The following GRIN2A variants were observed in gnomAD, a reference collection of about 807,000 sequenced individuals.
GRIN2A encodes the protein glutamate ionotropic receptor NMDA type subunit 2A.
Under a neutral mutation model 113.4 loss-of-function variants are expected in GRIN2A, and 22 were observed. The ratio of observed to expected loss-of-function variants is 0.19; its 90% CI spans 0.14 to 0.28. The LOEUF is 0.28. Ranked by LOEUF, GRIN2A falls within the 10% of genes least tolerant of loss-of-function variation. GRIN2A has a pLI of 1.00. For missense variants in GRIN2A, 1,502 were observed against 1,887.0 expected, an observed-to-expected ratio of 0.80 and a Z score of 3.78; for synonymous variants, 827 against 738.4, an observed-to-expected ratio of 1.12 and a Z score of -1.94.
At position 10,076,486 on chromosome 16, in the gene GRIN2A, G is replaced by A. The variant is rs571552098; in HGVS notation, c.414+103512C>T. ...GAACTCTTACCAGGCAAGGCAGGGT[G>A]GAGACACATGTCCGTGGCCCTCCCA... On this transcript the variant is annotated intron_variant, in intron 2 of 12. Coordinates refer to ENST00000330684, the MANE Select transcript of GRIN2A (RefSeq NM_001134407.3). Among the ~76,000 whole-genome samples the A allele has an allele frequency of 3.3e-5, 5 of 152,270 alleles. No homozygotes were observed. In the South Asian group the frequency reaches 1.0e-3, roughly 32 times the overall value.
At chr16:9,787,941 C>T (rs1241851549) in intron 11 of GRIN2A, among the ~76,000 whole-genome samples, 1 of 152,152 alleles carries the variant, frequency 6.6e-6, no homozygotes, top group Non-Finnish European at 1.5e-5. Context: ...GGCAGGGAAG[C>T]CATCGAAAGA....
Position 9,826,253 on chromosome 16 carries a change from T to C in GRIN2A, c.2007+3170A>G, listed in dbSNP as rs2042385299. 4.6e-5 allele frequency among the ~76,000 whole-genome samples: 7 copies of C among 152,146 alleles called. No individual in the cohort carries two copies. The South Asian group carries it at 1.5e-3, about 32-fold the overall frequency. On this transcript the variant is annotated intron_variant, in intron 9 of 12. Coordinates refer to ENST00000330684, the MANE Select transcript of GRIN2A (RefSeq NM_001134407.3). Reference sequence around the variant, plus strand: ...GGTCCATTTGACCCCAAACATGATATTGCTCTTCCCACAACATAAATCTGC... The same window carrying C: ...GGTCCATTTGACCCCAAACATGATACTGCTCTTCCCACAACATAAATCTGC...
At chr16:10,161,563 G>C (rs1420749609) in intron 2 of GRIN2A, among the ~76,000 whole-genome samples, 7 of 152,304 alleles carry the variant, frequency 4.6e-5, no homozygotes, top group South Asian at 4.1e-4. Flanking sequence ...GCCACAAAGG[G>C]CACAGCCTGA....
intron 2 of GRIN2A, among the ~76,000 whole-genome samples, chr16:10,177,614 T>G (rs1390612425): frequency 1.3e-5 from 2 of 152,246 alleles, no homozygotes; most frequent in Admixed American, 6.5e-5. Flanking sequence ...TCCTGATTCC[T>G]TTTCTCTTCT....
At chr16:10,004,231 A>C (rs959122189) in intron 2 of GRIN2A, among the ~76,000 whole-genome samples, 3 of 152,004 alleles carry the variant, frequency 2.0e-5, no homozygotes, top group Non-Finnish European at 2.9e-5. Flanking sequence ...TCTACTAAAA[A>C]TACAAAAATC....
Position 9,863,342 on chromosome 16 carries a change from T to C in GRIN2A, c.1123-13381A>G, listed in dbSNP as rs557362575. Among the ~76,000 whole-genome samples, 4 of 152,320 alleles carry C rather than the reference T, an allele frequency of 2.6e-5. No individual in the cohort carries two copies. The South Asian group carries it at 8.3e-4, about 32-fold the overall frequency. ...TCCACTTTGGGAAGGGGCAACATTTTCTTTCCATGTGGAGCACAGGAGGTG... is the reference window on the plus strand; with the variant it reads ...TCCACTTTGGGAAGGGGCAACATTTCCTTTCCATGTGGAGCACAGGAGGTG... On this transcript the variant is annotated intron_variant, in intron 4 of 12. Transcript: ENST00000330684.
At chr16:10,005,063 A>C (rs577239678) in intron 2 of GRIN2A, among the ~76,000 whole-genome samples, 3 of 152,230 alleles carry the variant, frequency 2.0e-5, no homozygotes, top group Admixed American at 6.5e-5. Context: ...TGTTTCTCTG[A>C]ATTTACAAAG....
chr16:10,074,899 T>G (rs10518150), intron 2 of GRIN2A, among the ~76,000 whole-genome samples: 13,854 of 152,254 alleles, frequency 0.091, 715 homozygotes, highest in Non-Finnish European at 0.11. Flanking sequence ...TCAAAAACAT[T>G]TAAACGTAAG....
intron 11 of GRIN2A, among the ~76,000 whole-genome samples, chr16:9,776,869 C>T (rs1045948162): frequency 2.0e-5 from 3 of 152,138 alleles, no homozygotes; most frequent in Non-Finnish European, 2.9e-5. Flanking sequence ...TTGGCAGGCT[C>T]ATGTTCTCGA....
intron 2 of GRIN2A, among the ~76,000 whole-genome samples, chr16:10,158,000 A>T (rs1371372274): frequency 6.6e-6 from 1 of 151,586 alleles, no homozygotes; most frequent in Non-Finnish European, 1.5e-5. Context: ...ATTTATTTTT[A>T]TTTATTTATT....
chr16:10,048,770 G>A (rs1430770791), intron 2 of GRIN2A, among the ~76,000 whole-genome samples: 1 of 152,126 alleles, frequency 6.6e-6, no homozygotes, highest in Non-Finnish European at 1.5e-5. Context: ...TGCCACAGGG[G>A]CTCAAAATGT....
intron 4 of GRIN2A, among the ~76,000 whole-genome samples, chr16:9,885,803 G>A (rs1031045705): frequency 1.3e-5 from 2 of 152,160 alleles, no homozygotes; most frequent in Admixed American, 1.3e-4. Flanking sequence ...AGAAGCACAC[G>A]GAGTTATTTC....
intron 2 of GRIN2A, among the ~76,000 whole-genome samples, chr16:10,042,945 A>T (rs1187644014): frequency 6.6e-6 from 1 of 152,204 alleles, no homozygotes; most frequent in Non-Finnish European, 1.5e-5. Context: ...TGTTGATACC[A>T]CTGGGCCACT....
In GRIN2A at chr16:9,990,561, GCGCACACA is replaced by G. The variant is rs1454285270; in HGVS notation, c.415-52018_415-52011del. 5.9e-3 allele frequency among the ~76,000 whole-genome samples: 754 copies of G among 128,702 alleles called. 5 individuals carry two copies. The highest frequency in any genetic ancestry group is 8.6e-3 in the African/African-American group (310 of 36,098). 84.4% of individuals were successfully genotyped at this position (128,702 alleles called of 152,430 possible). On this transcript the variant is annotated intron_variant, in intron 2 of 12. Transcript: ENST00000330684. The stretch of plus-strand genomic sequence containing the variant: ...TCTCTCTACACGCGCGCGCGCGCGC[GCGCACACA>G]CACACACACACACACACACACACAC...
intron 11 of GRIN2A, among the ~76,000 whole-genome samples, chr16:9,771,151 G>A (rs950951874): frequency 5.3e-4 from 80 of 150,334 alleles, no homozygotes; most frequent in Non-Finnish European, 8.8e-4. Flanking sequence ...TGTAGTGCTA[G>A]CTCATTATTT....
intron 2 of GRIN2A, among the ~76,000 whole-genome samples, chr16:10,109,375 T>G (rs1567305213): frequency 6.6e-6 from 1 of 152,022 alleles, no homozygotes; most frequent in Non-Finnish European, 1.5e-5. Flanking sequence ...ACACAAATTA[T>G]TTCAGAAACT....
intron 2 of GRIN2A, among the ~76,000 whole-genome samples, chr16:9,961,230 G>C (rs1036194015): frequency 2.0e-5 from 3 of 152,118 alleles, no homozygotes; most frequent in African/African-American, 7.2e-5. Flanking sequence ...GACATTCCAA[G>C]TCTGAATCTC....
At chr16:10,039,803 G>T (rs771168581) in intron 2 of GRIN2A, among the ~76,000 whole-genome samples, 1 of 77,154 alleles carries the variant, frequency 1.3e-5, no homozygotes, top group Non-Finnish European at 2.9e-5. Context: ...GGAGGGGGAG[G>T]GGGGGGAGAA....
rs189951943 is a variant in GRIN2A at position 10,057,672 on chromosome 16, C to T, written c.415-119121G>A. ...AAATCACTTCCCAAAGAGGCTTACA[C>T]GATCAGGGAAGTATTGGGCTTTGGG... On this transcript the variant is annotated intron_variant, in intron 2 of 12. Transcript: ENST00000330684. Among the ~76,000 whole-genome samples the T allele has an allele frequency of 2.1e-3, 319 of 151,966 alleles. 1 individual carries two copies. Among genetic ancestry groups the T allele is most frequent in the Non-Finnish European group, 3.1e-3 (214 of 67,960 alleles).
Sources: allele counts gnomAD v4.1 joint callset (sites outside exome capture counted in the v4.1 genomes callset), GRCh38; gene constraint gnomAD v4.1.1; transcripts MANE v1.5; gene names NCBI Gene and HGNC (gene_info 2026-07-23, HGNC 2026-07-21).